The following CCPG1 variants were observed in gnomAD, a reference collection of about 807,000 sequenced individuals.
CCPG1 encodes cell cycle progression protein 1.
A neutral mutation model predicts 81.3 loss-of-function variants in CCPG1; 46 were observed. That is an observed-to-expected ratio of 0.57 (90% CI 0.45 to 0.72). The LOEUF (loss-of-function observed/expected upper bound fraction) is 0.72. Among genes scored for constraint, CCPG1 ranks in the 30% least tolerant of loss-of-function variants. The pLI is 0.00. For synonymous variants in CCPG1, 330 were observed against 305.2 expected, an observed-to-expected ratio of 1.08 and a Z score of -0.85; for missense variants, 902 against 937.6, an observed-to-expected ratio of 0.96 and a Z score of 0.50.
chr15:55,390,318 C>G (rs1288757311), intron 1 of CCPG1, among the ~76,000 whole-genome samples: 1 of 152,198 alleles, frequency 6.6e-6, no homozygotes, highest in Non-Finnish European at 1.5e-5. Context: ...TTACAAACAT[C>G]TGGTCACTGG....
At chr15:55,403,280 T>A (rs2057159857) in intron 1 of CCPG1, among the ~76,000 whole-genome samples, 1 of 152,266 alleles carries the variant, frequency 6.6e-6, no homozygotes, top group South Asian at 2.1e-4. Flanking sequence ...AATAACTTCC[T>A]CAACATCATT....
At chr15:55,376,279 T>C (rs745369084) in intron 5 of CCPG1, among the ~76,000 whole-genome samples, 1 of 152,214 alleles carries the variant, frequency 6.6e-6, no homozygotes, top group African/African-American at 2.4e-5. Context: ...AAAGATGTTA[T>C]ACATACTGCT....
intron 8 of CCPG1, chr15:55,358,288 AGAATT>A: frequency 1.3e-6 from 1 of 744,946 alleles, no homozygotes; most frequent in Non-Finnish European, 1.6e-6. Flanking sequence ...TAGTATATAT[AGAATT>A]ATGTTCTATC....
At chr15:55,400,044 T>C (rs748717845) in intron 1 of CCPG1, 3 of 145,880 alleles carry the variant, frequency 2.1e-5, no homozygotes, top group Non-Finnish European at 4.5e-5. Flanking sequence ...CTACTAAAAA[T>C]ACAAAAAAAT....
At chr15:55,387,858 A>AAAAAATTATTAAT (rs2056833415) in intron 2 of CCPG1, among the ~76,000 whole-genome samples, 1 of 143,266 alleles carries the variant, frequency 7.0e-6, no homozygotes, top group African/African-American at 2.5e-5. Context: ...AATTTTTATT[A>AAAAAATTATTAAT]AAAAAACAAG....
At chr15:55,371,346 A>G (rs2056445810) in intron 6 of CCPG1, among the ~76,000 whole-genome samples, 1 of 152,238 alleles carries the variant, frequency 6.6e-6, no homozygotes, top group African/African-American at 2.4e-5. Flanking sequence ...ACAAAGTATG[A>G]TACTTACATG....
At chr15:55,387,765 G>A (rs1289557667) in intron 2 of CCPG1, among the ~76,000 whole-genome samples, 2 of 150,448 alleles carry the variant, frequency 1.3e-5, no homozygotes, top group African/African-American at 2.4e-5. Context: ...GGCTGGTGTC[G>A]AACTCCCGAC....
chr15:55,355,461 G>A lies in CCPG1; in HGVS notation c.*759C>T, dbSNP rs1164338234. 3 of 1,576,972 alleles carry A rather than the reference G, an allele frequency of 1.9e-6. No homozygotes were observed. Among genetic ancestry groups the A allele is most frequent in the African/African-American group, 2.7e-5 (2 of 73,586 alleles). ...TTCCTAGATAAATTAACATTGCTGG[G>A]TGGAAATATTCAGATGCTGCTTAAA... On this transcript the variant is annotated 3_prime_UTR_variant, in exon 9 of 9. Coordinates refer to ENST00000442196, the MANE Select transcript of CCPG1 (RefSeq NM_001204450.2).
intron 1 of CCPG1, among the ~76,000 whole-genome samples, chr15:55,397,777 G>A (rs2057049215): frequency 6.6e-6 from 1 of 152,142 alleles, no homozygotes; most frequent in Non-Finnish European, 1.5e-5. Context: ...AGGAGTTCAT[G>A]ACCAGCCTGA....
chr15:55,364,844 G>A (rs1433276091), intron 7 of CCPG1, among the ~76,000 whole-genome samples: 1 of 152,136 alleles, frequency 6.6e-6, no homozygotes, highest in African/African-American at 2.4e-5. Flanking sequence ...CTGCACTCCA[G>A]CCTGGGCAAC....
At chr15:55,381,441 GA>G (rs1384568951) in intron 3 of CCPG1, among the ~76,000 whole-genome samples, 1 of 151,674 alleles carries the variant, frequency 6.6e-6, no homozygotes, top group African/African-American at 2.4e-5. Context: ...GTCTCATAAA[GA>G]AAAAGAAAAA....
chr15:55,356,098 C>A lies in CCPG1; in HGVS notation c.*122G>T. 1 of 750,878 alleles carries A rather than the reference C, an allele frequency of 1.3e-6. No homozygotes were observed. The highest frequency in any genetic ancestry group is 2.1e-6 in the Non-Finnish European group (1 of 479,768). 46.5% of individuals were successfully genotyped at this position (750,878 alleles called of 1,614,324 possible). A position where few individuals can be genotyped will look rare whatever the true frequency, so the allele number is the denominator to read the frequency against. Reference sequence around the variant, plus strand: ...TGAGGAATAATATAAAGTTATCAAACTGATACTTAGAAACAAAAGAAAAGA... The same window carrying A: ...TGAGGAATAATATAAAGTTATCAAAATGATACTTAGAAACAAAAGAAAAGA... On this transcript the variant is annotated 3_prime_UTR_variant, in exon 9 of 9. Transcript: ENST00000442196.
Position 55,364,851 on chromosome 15 carries a change from C to T in CCPG1, c.828+337G>A, listed in dbSNP as rs140102597. Among the ~76,000 whole-genome samples, 1,446 of 152,210 alleles carry T rather than the reference C, an allele frequency of 9.5e-3. 20 individuals are homozygous for T. The highest frequency in any genetic ancestry group is 0.016 in the Non-Finnish European group (1,087 of 68,006). ...TTGCACCACTGCACTCCAGCCTGGG[C>T]AACAGAGCGAGACTCCATCTCAAAT... is the stretch of plus-strand genomic sequence containing the variant. On this transcript the variant is annotated intron_variant, in intron 7 of 8. Transcript: ENST00000442196.
intron 5 of CCPG1, chr15:55,374,168 T>A (rs1477366309): frequency 2.3e-6 from 3 of 1,288,788 alleles, no homozygotes; most frequent in Middle Eastern, 2.1e-4. Context: ...GGAAAGCGAG[T>A]TGGCTAGGAA....
At chr15:55,386,435 C>T (rs2056800589) in intron 2 of CCPG1, among the ~76,000 whole-genome samples, 2 of 152,116 alleles carry the variant, frequency 1.3e-5, no homozygotes, top group Admixed American at 6.6e-5. Flanking sequence ...TTAATAATAG[C>T]GGATCATACA....
chr15:55,405,769 T>C (rs567758420), intron 1 of CCPG1, among the ~76,000 whole-genome samples: 10 of 146,346 alleles, frequency 6.8e-5, no homozygotes, highest in Non-Finnish European at 1.3e-4. Flanking sequence ...AGTCCAACTA[T>C]TTCATTTATT....
rs1443895555 is a variant in CCPG1, at chr15:55,359,761, A to G, written c.2012T>C (p.Phe671Ser). 6.2e-7 allele frequency: 1 copy of G among 1,613,546 alleles called. No individual in the cohort carries two copies. The highest frequency in any genetic ancestry group is 1.7e-5 in the Admixed American group (1 of 60,016). The stretch of plus-strand genomic sequence containing the variant: ...CTGATCAAGTTCGTTCCAGTGACAA[A>G]AAGTATCCAGTTCTTTTAACATGTA... ...QRYMLKELDTFCHWNELDQFI... is the reference protein window; with the variant it reads ...QRYMLKELDTSCHWNELDQFI... Residue 671 changes from phenylalanine (F) to serine (S), a missense_variant, in exon 8 of 9, where the codon TTT becomes TCT. Physicochemically the swap from Phe to Ser is radical, Grantham distance 155. Transcript: ENST00000442196.
intron 1 of CCPG1, among the ~76,000 whole-genome samples, chr15:55,391,899 G>T: frequency 8.4e-6 from 1 of 118,646 alleles, no homozygotes; most frequent in Non-Finnish European, 1.7e-5. Flanking sequence ...GGGGGGGGGG[G>T]CTAGGTGTGG....
chr15:55,371,699 T>C, intron 6 of CCPG1, 94 bp downstream of exon 6: 1 of 1,277,516 alleles, frequency 7.8e-7, no homozygotes, highest in African/African-American at 1.5e-5. Context: ...ACACATTTAA[T>C]AATGGCACTG....
Sources: gnomAD v4.1 joint callset for allele counts (sites outside exome capture counted in the v4.1 genomes callset) on GRCh38, gnomAD v4.1.1 for gene constraint, MANE v1.5 for transcripts, NCBI Gene and HGNC (gene_info 2026-07-23, HGNC 2026-07-21) for gene names.